The following NR6A1 variants were observed in gnomAD, a reference collection of about 807,000 sequenced individuals.
NR6A1 encodes the protein nuclear receptor subfamily 6 group A member 1.
Under a neutral mutation model 59.1 loss-of-function variants are expected in NR6A1, and 7 were observed. That is an observed-to-expected ratio of 0.12 (90% confidence interval 0.07 to 0.22). The LOEUF is 0.22. Ranked by LOEUF, NR6A1 falls within the 10% of genes least tolerant of loss-of-function variation. The pLI, the probability that NR6A1 is intolerant of heterozygous loss-of-function variation, is 1.00. For synonymous variants in NR6A1, 243 were observed against 236.1 expected (o/e 1.03, Z -0.27); for missense variants, 468 against 611.6 (o/e 0.77, Z 2.48).
intron 2 of NR6A1, chr9:124,698,496 A>G (rs1588800646): frequency 6.6e-6 from 1 of 152,220 alleles, no homozygotes; most frequent in South Asian, 2.1e-4. Context: ...GAGAACGAAC[A>G]CAATGAAGGA....
chr9:124,628,114 G>A (rs924927059), intron 2 of NR6A1, among the ~76,000 whole-genome samples: 6 of 151,888 alleles, frequency 4.0e-5, no homozygotes, highest in African/African-American at 9.7e-5. Context: ...TGCAACCTCC[G>A]CCTCCTGGAT....
intron 2 of NR6A1, among the ~76,000 whole-genome samples, chr9:124,621,280 G>A (rs76666894): frequency 6.6e-6 from 1 of 152,138 alleles, no homozygotes; most frequent in East Asian, 1.9e-4. Flanking sequence ...TTATGGATAT[G>A]CATAGATTCC....
intron 2 of NR6A1, among the ~76,000 whole-genome samples, chr9:124,642,583 CCT>C (rs1467759686): frequency 1.3e-5 from 2 of 152,088 alleles, no homozygotes; most frequent in Non-Finnish European, 2.9e-5. Context: ...TTTTCTATCC[CCT>C]GTCGTGACAA....
chr9:124,760,711 T>C (rs1040148033), intron 1 of NR6A1, among the ~76,000 whole-genome samples: 1 of 152,244 alleles, frequency 6.6e-6, no homozygotes, highest in African/African-American at 2.4e-5. Context: ...GTTAAGACGA[T>C]AAATATACAT....
intron 3 of NR6A1, among the ~76,000 whole-genome samples, chr9:124,550,836 T>G (rs558782632): frequency 4.3e-4 from 65 of 152,296 alleles, no homozygotes; most frequent in Middle Eastern, 6.8e-3. Flanking sequence ...AAGCCTGGCC[T>G]CCTTCTACAT....
chr9:124,598,807 G>C (rs1835359989), intron 2 of NR6A1: 2 of 860,826 alleles, frequency 2.3e-6, no homozygotes, highest in Admixed American at 3.6e-5. Flanking sequence ...CTTTTTTGCC[G>C]GATCTTTTCT....
In NR6A1 at chr9:124,735,418, G is replaced by A. The variant is rs561413180; in HGVS notation, c.101-2069C>T. 5.9e-5 allele frequency among the ~76,000 whole-genome samples: 9 copies of A among 152,336 alleles called. No individual in the cohort carries two copies. The South Asian group carries it at 1.7e-3, about 28-fold the overall frequency. Reference sequence around the variant, plus strand: ...ACTGACTGTGCCTTATCCATCTGCAGAGCTGCTTCTGGCCAGAACAGTTGT... The same window carrying A: ...ACTGACTGTGCCTTATCCATCTGCAAAGCTGCTTCTGGCCAGAACAGTTGT... On this transcript the variant is annotated intron_variant, in intron 1 of 9. Coordinates refer to ENST00000487099, the MANE Select transcript of NR6A1 (RefSeq NM_033334.4).
intron 2 of NR6A1, among the ~76,000 whole-genome samples, chr9:124,587,749 C>T (rs1384587497): frequency 2.0e-5 from 3 of 152,290 alleles, no homozygotes; most frequent in Non-Finnish European, 4.4e-5. Flanking sequence ...TCACTAAGAC[C>T]GCAAATTATG....
chr9:124,696,197 T>G (rs540666845), intron 2 of NR6A1, among the ~76,000 whole-genome samples: 1 of 152,242 alleles, frequency 6.6e-6, no homozygotes, highest in South Asian at 2.1e-4. Flanking sequence ...CCGTTTTAAA[T>G]GCTAAACTCA....
chr9:124,714,150 A>G (rs1261235977), intron 2 of NR6A1, among the ~76,000 whole-genome samples: 1 of 152,236 alleles, frequency 6.6e-6, no homozygotes, highest in African/African-American at 2.4e-5. Context: ...CAAAAGGACA[A>G]AACTGTATGA....
At chr9:124,752,388 T>G (rs1336080863) in intron 1 of NR6A1, among the ~76,000 whole-genome samples, 2 of 152,176 alleles carry the variant, frequency 1.3e-5, no homozygotes, top group Non-Finnish European at 2.9e-5. Context: ...GATAAAATTT[T>G]TAAAAATCAA....
intron 7 of NR6A1, among the ~76,000 whole-genome samples, chr9:124,534,680 T>G (rs954734619): frequency 1.3e-5 from 2 of 152,218 alleles, no homozygotes; most frequent in Admixed American, 1.3e-4. Context: ...CCTAAGCTTT[T>G]CAGGCAGGCA....
intron 2 of NR6A1, among the ~76,000 whole-genome samples, chr9:124,563,376 T>C (rs1834133918): frequency 6.6e-6 from 1 of 152,096 alleles, no homozygotes; most frequent in South Asian, 2.1e-4. Flanking sequence ...CTGTAAAAAG[T>C]TTTAAACACA....
chr9:124,566,366 CTATT>C (rs2131415212), intron 2 of NR6A1, among the ~76,000 whole-genome samples: 1 of 152,226 alleles, frequency 6.6e-6, no homozygotes, highest in African/African-American at 2.4e-5. Flanking sequence ...TGTATTTTAT[CTATT>C]TATCTTTAAG....
intron 2 of NR6A1, among the ~76,000 whole-genome samples, chr9:124,650,477 A>C (rs1837066272): frequency 6.6e-6 from 1 of 152,196 alleles, no homozygotes; most frequent in African/African-American, 2.4e-5. Flanking sequence ...GTTGGTTAAT[A>C]GGTACAAAAA....
intron 2 of NR6A1, among the ~76,000 whole-genome samples, chr9:124,656,777 A>G (rs1257971003): frequency 6.6e-6 from 1 of 152,210 alleles, no homozygotes; most frequent in Non-Finnish European, 1.5e-5. Flanking sequence ...AGTTGCAGTG[A>G]GCCAAGACAG....
At chr9:124,699,821 T>C (rs1564244125) in intron 2 of NR6A1, among the ~76,000 whole-genome samples, 1 of 152,212 alleles carries the variant, frequency 6.6e-6, no homozygotes, top group African/African-American at 2.4e-5. Context: ...CTGATCTGTC[T>C]CTATACATTT....
intron 3 of NR6A1, among the ~76,000 whole-genome samples, chr9:124,552,912 C>A (rs956680987): frequency 6.6e-6 from 1 of 152,122 alleles, no homozygotes; most frequent in Non-Finnish European, 1.5e-5. Flanking sequence ...CACAATAAAA[C>A]CAGTCTGAGT....
chr9:124,598,663 A>C (rs1390239808), intron 2 of NR6A1: 2 of 398,806 alleles, frequency 5.0e-6, no homozygotes, highest in Non-Finnish European at 8.7e-6. Context: ...AAAAAAAAAA[A>C]AAAAAACAAG....
Sources: gnomAD v4.1 joint callset for allele counts (sites outside exome capture counted in the v4.1 genomes callset) on GRCh38, gnomAD v4.1.1 for gene constraint, MANE v1.5 for transcripts, NCBI Gene and HGNC (gene_info 2026-07-23, HGNC 2026-07-21) for gene names.